Variants in FAF1 observed in about 807,000 individuals in gnomAD.
FAF1 encodes the protein FAS-associated factor 1.
In FAF1, 25 loss-of-function variants were observed where a neutral mutation model predicts 92.5. The observed-to-expected ratio is 0.27, with a 90% confidence interval of 0.20 to 0.38. FAF1 has a LOEUF of 0.38. Among genes scored for constraint, FAF1 ranks in the 10% least tolerant of loss-of-function variants. FAF1 has a pLI of 1.00. For missense variants in FAF1, 636 were observed against 793.3 expected, an observed-to-expected ratio of 0.80 and a Z score of 2.38; for synonymous variants, 234 against 273.2, an observed-to-expected ratio of 0.86 and a Z score of 1.42.
At chr1:50,930,976 ACAG>A (rs1371885281) in intron 1 of FAF1, among the ~76,000 whole-genome samples, 2 of 152,352 alleles carry the variant, frequency 1.3e-5, no homozygotes, top group Admixed American at 6.5e-5. Flanking sequence ...TTAATTAATT[ACAG>A]CAGATTTGTT....
chr1:50,712,501 C>T (rs1044555755), intron 6 of FAF1, among the ~76,000 whole-genome samples: 17 of 151,992 alleles, frequency 1.1e-4, no homozygotes, highest in African/African-American at 4.1e-4. Flanking sequence ...ACTAAAAATA[C>T]AAAAATGAGC....
chr1:50,865,100 C>T (rs1390060345), intron 1 of FAF1, among the ~76,000 whole-genome samples: 1 of 152,226 alleles, frequency 6.6e-6, no homozygotes, highest in Non-Finnish European at 1.5e-5. Flanking sequence ...CTCACCATCA[C>T]TGGCCATCAG....
intron 8 of FAF1, among the ~76,000 whole-genome samples, chr1:50,649,785 CA>C (rs535636319): frequency 2.9e-3 from 212 of 72,922 alleles, no homozygotes; most frequent in South Asian, 0.01. Context: ...ACTAAAACTA[CA>C]AAAAAAAAAA....
chr1:50,718,079 G>C (rs1658259878), intron 6 of FAF1, among the ~76,000 whole-genome samples: 1 of 151,656 alleles, frequency 6.6e-6, no homozygotes, highest in Non-Finnish European at 1.5e-5. Flanking sequence ...GAGTGCAATG[G>C]TGTGGTCTCG....
intron 7 of FAF1, among the ~76,000 whole-genome samples, chr1:50,701,145 T>C (rs764387112): frequency 1.3e-5 from 2 of 152,150 alleles, no homozygotes; most frequent in Non-Finnish European, 2.9e-5. Flanking sequence ...TCTTTCATTC[T>C]TGCTAAAATG....
At chr1:50,613,711 T>C (rs1342251622) in intron 8 of FAF1, among the ~76,000 whole-genome samples, 1 of 152,142 alleles carries the variant, frequency 6.6e-6, no homozygotes, top group Non-Finnish European at 1.5e-5. Context: ...CAAGAAATAG[T>C]AAGTAATCAC....
At chr1:50,890,185 CCT>C (rs773840557) in intron 1 of FAF1, among the ~76,000 whole-genome samples, 19 of 152,088 alleles carry the variant, frequency 1.2e-4, no homozygotes, top group Non-Finnish European at 1.3e-4. Flanking sequence ...GATTGCAACC[CCT>C]GCCTTTTTTT....
chr1:50,679,255 A>G (rs1400966910), intron 7 of FAF1, among the ~76,000 whole-genome samples: 2 of 151,982 alleles, frequency 1.3e-5, no homozygotes, highest in Non-Finnish European at 2.9e-5. Context: ...TTGAATATCA[A>G]TTTCAGCTGC....
intron 15 of FAF1, among the ~76,000 whole-genome samples, chr1:50,495,990 T>C (rs902445998): frequency 6.6e-6 from 1 of 152,084 alleles, no homozygotes; most frequent in African/African-American, 2.4e-5. Context: ...ATGATGACTA[T>C]TAAAAATAAA....
chr1:50,563,629 A>C (rs1267508097), intron 13 of FAF1, among the ~76,000 whole-genome samples: 1 of 152,220 alleles, frequency 6.6e-6, no homozygotes, highest in Admixed American at 6.5e-5. Context: ...AAATGCATAC[A>C]TTCATTTGCT....
At chr1:50,816,204 T>C (rs371808414) in intron 2 of FAF1, among the ~76,000 whole-genome samples, 4 of 148,258 alleles carry the variant, frequency 2.7e-5, no homozygotes, top group East Asian at 3.9e-4. Context: ...TTTTCCTTTT[T>C]CTTTTTTTTT....
chr1:50,792,879 T>G (rs766392754), intron 3 of FAF1, among the ~76,000 whole-genome samples: 7 of 152,088 alleles, frequency 4.6e-5, no homozygotes, highest in Non-Finnish European at 1.0e-4. Context: ...GTAAGAACAA[T>G]CATGTTAATG....
intron 15 of FAF1, among the ~76,000 whole-genome samples, chr1:50,513,362 C>T (rs759065287): frequency 1.3e-5 from 2 of 152,100 alleles, no homozygotes; most frequent in Non-Finnish European, 2.9e-5. Flanking sequence ...TGCATGCCTG[C>T]AATCCCAGCG....
intron 7 of FAF1, among the ~76,000 whole-genome samples, chr1:50,669,520 C>G (rs1655775142): frequency 6.6e-6 from 1 of 151,126 alleles, no homozygotes; most frequent in Non-Finnish European, 1.5e-5. Context: ...CTTAATGGAA[C>G]AACAAAGGAA....
intron 4 of FAF1, among the ~76,000 whole-genome samples, chr1:50,753,515 C>T (rs1659954000): frequency 1.3e-5 from 2 of 152,116 alleles, no homozygotes. Context: ...GTAGAAACTA[C>T]CAAAGTGTTT....
chr1:50,761,619 C>A (rs1054055473), intron 4 of FAF1, among the ~76,000 whole-genome samples: 1 of 152,262 alleles, frequency 6.6e-6, no homozygotes, highest in East Asian at 1.9e-4. Context: ...GCAGAAAAAG[C>A]CTTTGACAAA....
intron 2 of FAF1, among the ~76,000 whole-genome samples, chr1:50,823,956 A>C (rs1396688057): frequency 6.6e-6 from 1 of 152,196 alleles, no homozygotes; most frequent in African/African-American, 2.4e-5. Flanking sequence ...TATTATACTT[A>C]GATTTTTAAA....
intron 2 of FAF1, among the ~76,000 whole-genome samples, chr1:50,839,280 T>C (rs1644237694): frequency 6.6e-6 from 1 of 152,130 alleles, no homozygotes; most frequent in Non-Finnish European, 1.5e-5. Flanking sequence ...TTTGGTTGCA[T>C]TAGTTTACAA....
At chr1:50,687,990 C>T (rs1656746102) in intron 7 of FAF1, among the ~76,000 whole-genome samples, 1 of 151,290 alleles carries the variant, frequency 6.6e-6, no homozygotes, top group African/African-American at 2.4e-5. Flanking sequence ...AAAAAATTAG[C>T]TGGGCGTGGT....
Sources: allele counts gnomAD v4.1 joint callset (sites outside exome capture counted in the v4.1 genomes callset), GRCh38; gene constraint gnomAD v4.1.1; transcripts MANE v1.5; gene names NCBI Gene and HGNC (gene_info 2026-07-23, HGNC 2026-07-21).